Variants in CDR2L observed in about 807,000 individuals in gnomAD.
CDR2L encodes the protein cerebellar degeneration related protein 2 like.
CDR2L carries 19 observed loss-of-function variants against 36.1 expected under a neutral mutation model. The ratio of observed to expected loss-of-function variants is 0.53; its 90% CI spans 0.37 to 0.77. CDR2L has a LOEUF of 0.77. Among genes scored for constraint, CDR2L ranks in the 30% least tolerant of loss-of-function variants. CDR2L has a pLI of 0.00. For missense variants in CDR2L, 575 were observed against 627.2 expected (o/e 0.92, Z 0.89); for synonymous variants, 285 against 280.4 (o/e 1.02, Z -0.16).
At chr17:74,994,766 C>T (rs991744787) in intron 1 of CDR2L, among the ~76,000 whole-genome samples, 2 of 151,914 alleles carry the variant, frequency 1.3e-5, no homozygotes, top group South Asian at 2.1e-4. Flanking sequence ...CCACCATGCC[C>T]GGCTAATTTT....
rs1319447935 is a variant in CDR2L, at chr17:75,005,019, G to A, written c.*945G>A. 1 of 152,760 alleles carries A rather than the reference G, an allele frequency of 6.5e-6. No homozygotes were observed. The highest frequency in any genetic ancestry group is 1.5e-5 in the Non-Finnish European group (1 of 68,150). The allele number at this position is 152,760 out of a possible 1,614,324, so 9.5% of individuals were successfully genotyped here. Reference sequence around the variant, plus strand: ...CTCCCCACAGGCCAACCCTGGCACAGGTCATGTCTGCAGCCCCCAGAATGT... The same window carrying A: ...CTCCCCACAGGCCAACCCTGGCACAAGTCATGTCTGCAGCCCCCAGAATGT... On this transcript the variant is annotated 3_prime_UTR_variant, in exon 5 of 5. Coordinates refer to ENST00000337231, the MANE Select transcript of CDR2L (RefSeq NM_014603.3). The surrounding 1 kb of genome is among the most constrained non-coding windows in gnomAD (Gnocchi z 4.2).
Position 74,989,923 on chromosome 17 carries a change from GCCA to G in CDR2L, c.79+1806_79+1808del, listed in dbSNP as rs1403173773. 6.6e-6 allele frequency among the ~76,000 whole-genome samples: 1 copy of G among 152,234 alleles called. No individual in the cohort carries two copies. The highest frequency in any genetic ancestry group is 1.5e-5 in the Non-Finnish European group (1 of 68,034). ...CGAAGTGCTGGGATTACAGGCGTGA[GCCA>G]CCACGCCCGGCTGGTGGCACAGTAT... On this transcript the variant is annotated intron_variant, in intron 1 of 4. Coordinates refer to ENST00000337231, the MANE Select transcript of CDR2L (RefSeq NM_014603.3). This position sits in a 1 kb window ranked among gnomAD's most constrained non-coding sequence, Gnocchi z 4.2.
In CDR2L at chr17:74,999,520, G is replaced by T; in HGVS notation, c.96G>T (p.Ala32=). Residue 32 remains alanine (A), a synonymous_variant, in exon 2 of 5, where the codon GCG becomes GCT. Transcript: ENST00000337231. ...QDLEQDLHLA[A]ELGKTLLERN... ...CTATCCTAGACTTGCACCTAGCTGC[G>T]GAGCTGGGGAAGACTCTGCTGGAGA... The T allele has an allele frequency of 6.3e-7, 1 of 1,577,576 alleles. No individual in the cohort carries two copies. Among genetic ancestry groups the T allele is most frequent in the South Asian group, 1.2e-5 (1 of 85,490 alleles).
intron 1 of CDR2L, 61 bp from the exon 2 acceptor site, chr17:74,999,443 C>A: frequency 2.5e-6 from 3 of 1,178,302 alleles, no homozygotes; most frequent in Admixed American, 2.1e-5. Flanking sequence ...AGAGTAGATG[C>A]TCGGAACATG....
chr17:75,003,080 G>A, intron 4 of CDR2L, 103 bp from the exon 5 acceptor site: 1 of 1,227,550 alleles, frequency 8.1e-7, no homozygotes. Context: ...CAGAGAACAA[G>A]AGAGATGTAA....
chr17:74,995,768 G>C (rs180671540), intron 1 of CDR2L, among the ~76,000 whole-genome samples: 1 of 152,276 alleles, frequency 6.6e-6, no homozygotes, highest in Non-Finnish European at 1.5e-5. Flanking sequence ...CTCTCAAAGT[G>C]CTGGGATTAT....
intron 1 of CDR2L, among the ~76,000 whole-genome samples, chr17:74,994,027 C>T (rs1055557381): frequency 6.6e-6 from 1 of 152,198 alleles, no homozygotes; most frequent in East Asian, 1.9e-4. Flanking sequence ...AGGCTCTGCC[C>T]TCAGCTGCCC....
At chr17:75,001,517 C>G in intron 3 of CDR2L, 28 bp downstream of exon 3, 1 of 1,498,342 alleles carries the variant, frequency 6.7e-7, no homozygotes, top group Non-Finnish European at 8.9e-7. Flanking sequence ...GGCTGGGGGG[C>G]GGGCGAGGGA....
chr17:75,000,492 G>A (rs1200896823), intron 2 of CDR2L, among the ~76,000 whole-genome samples: 2 of 149,250 alleles, frequency 1.3e-5, no homozygotes, highest in Non-Finnish European at 1.5e-5. Flanking sequence ...TAGAGACGAG[G>A]TTTCACTGTG....
At chr17:75,001,743 C>T (rs549417292) in intron 3 of CDR2L, among the ~76,000 whole-genome samples, 1 of 152,304 alleles carries the variant, frequency 6.6e-6, no homozygotes, top group South Asian at 2.1e-4. Context: ...ATTGTCCTGC[C>T]CTCTAATACC....
chr17:74,988,313 C>T (rs2039776197), intron 1 of CDR2L, among the ~76,000 whole-genome samples, 191 bp downstream of exon 1: 1 of 152,084 alleles, frequency 6.6e-6, no homozygotes. Flanking sequence ...GCGGACCGGA[C>T]GGGCGGAGAC....
rs201693484 is a variant in CDR2L, at chr17:75,001,363, C to T, written c.215C>T (p.Thr72Met). 2.6e-5 allele frequency: 42 copies of T among 1,609,608 alleles called. No homozygotes were observed. Among genetic ancestry groups the T allele is most frequent in the South Asian group, 3.3e-5 (3 of 90,316 alleles). Residue 72 changes from threonine (T) to methionine (M), a missense_variant, in exon 3 of 5, where the codon ACG (threonine) becomes ATG (methionine). Thr to Met is a moderately conservative substitution (Grantham distance 81). Transcript: ENST00000337231. The stretch of plus-strand genomic sequence containing the variant: ...CAGTACCTAACCAAGCAGCTGGACA[C>T]GCTGCGGCACGTGAACGAGCAGCAC... The part of the protein sequence containing the change: ...EIEYLTKQLD[T>M]LRHVNEQHAK...
intron 1 of CDR2L, among the ~76,000 whole-genome samples, chr17:74,992,801 G>A (rs911907546): frequency 6.6e-6 from 1 of 152,210 alleles, no homozygotes; most frequent in African/African-American, 2.4e-5. Context: ...GGCAACCTTT[G>A]ATGTCTCTGG....
rs185534950 is a variant in CDR2L at position 74,989,697 on chromosome 17, C to A, written c.79+1575C>A. ...TCAGACAGAGTCTCCCTCTGTCACCCAGGTTGGAGTGTAATGGTGCGATCT... is the reference window on the plus strand; with the variant it reads ...TCAGACAGAGTCTCCCTCTGTCACCAAGGTTGGAGTGTAATGGTGCGATCT... On this transcript the variant is annotated intron_variant, in intron 1 of 4. Coordinates refer to ENST00000337231, the MANE Select transcript of CDR2L (RefSeq NM_014603.3). This position sits in a 1 kb window ranked among gnomAD's most constrained non-coding sequence, Gnocchi z 4.2. Among the ~76,000 whole-genome samples the A allele has an allele frequency of 2.0e-5, 3 of 152,064 alleles. No homozygotes were observed. Among genetic ancestry groups the A allele is most frequent in the Admixed American group, 1.3e-4 (2 of 15,284 alleles).
At chr17:75,001,215 C>A in intron 2 of CDR2L, 126 bp from the exon 3 acceptor site, 2 of 1,026,590 alleles carry the variant, frequency 1.9e-6, no homozygotes, top group Non-Finnish European at 2.7e-6. Flanking sequence ...GCCTGGGCAA[C>A]ACAGTGAGAC....
In CDR2L at chr17:75,003,370, C is replaced by G. The variant is rs1443216329; in HGVS notation, c.694C>G (p.Arg232Gly). 3 of 1,559,502 alleles carry G rather than the reference C, an allele frequency of 1.9e-6. No homozygotes were observed. Among genetic ancestry groups the G allele is most frequent in the East Asian group, 2.4e-5 (1 of 41,474 alleles). Residue 232 changes from arginine (R) to glycine (G), a missense_variant, in exon 5 of 5, where the codon CGC becomes GGC. By Grantham distance (125) the Arg-to-Gly change is moderately radical (BLOSUM62 -2). Transcript: ENST00000337231. ...AVLQEYSELE[R>G]QLCEMEACRL... ...GCTGCAGGAGTACTCGGAGCTGGAG[C>G]GCCAGCTGTGCGAGATGGAGGCCTG...
At chr17:74,994,767 G>A (rs55939082) in intron 1 of CDR2L, among the ~76,000 whole-genome samples, 1,651 of 151,778 alleles carry the variant, frequency 0.011, 30 homozygotes, top group African/African-American at 0.037. Context: ...CACCATGCCC[G>A]GCTAATTTTA....
intron 2 of CDR2L, 39 bp downstream of exon 2, chr17:74,999,655 G>C (rs1270932308): frequency 7.7e-7 from 1 of 1,304,190 alleles, no homozygotes; most frequent in Non-Finnish European, 1.1e-6. Flanking sequence ...CCCCTCGAGG[G>C]CCCCTTGGCC....
rs761390269 is a variant in CDR2L at position 75,003,555 on chromosome 17, G to C, written c.879G>C (p.Gly293=). 7.3e-6 allele frequency: 11 copies of C among 1,510,290 alleles called. No homozygotes were observed. Among genetic ancestry groups the C allele is most frequent in the Non-Finnish European group, 9.8e-6 (11 of 1,127,832 alleles). 93.6% of individuals were successfully genotyped at this position (1,510,290 alleles called of 1,614,324 possible). The stretch of plus-strand genomic sequence containing the variant: ...CCGACGATCCCCAGCCCGGCCGCGG[G>C]GACGACTTGGGCGCCCAGGACGGGG... ...PEADDPQPGR[G]DDLGAQDGVS... is the part of the protein sequence containing the mutation. Residue 293 remains glycine (G), a synonymous_variant, in exon 5 of 5, where the codon GGG becomes GGC. Coordinates refer to ENST00000337231, the MANE Select transcript of CDR2L (RefSeq NM_014603.3).
Sources: allele counts gnomAD v4.1 joint callset (sites outside exome capture counted in the v4.1 genomes callset), GRCh38; gene constraint gnomAD v4.1.1; non-coding constraint Gnocchi (gnomAD v3.1); transcripts MANE v1.5; gene names NCBI Gene and HGNC (gene_info 2026-07-23, HGNC 2026-07-21).